Variants in SUZ12 observed in about 807,000 individuals in gnomAD.
SUZ12 encodes the protein SUZ12 polycomb repressive complex 2 subunit.
Under a neutral mutation model 87.3 loss-of-function variants are expected in SUZ12, and 17 were observed. That is an observed-to-expected ratio of 0.19 (90% CI 0.13 to 0.29). SUZ12 has a LOEUF of 0.29. SUZ12 is among the 10% of genes least tolerant of loss of function. The probability of loss-of-function intolerance (pLI) is 1.00; values close to 1 mark genes in which losing one functional copy is unlikely to be tolerated. For synonymous variants in SUZ12, 253 were observed against 312.4 expected, an observed-to-expected ratio of 0.81 and a Z score of 2.01; for missense variants, 526 against 912.2, an observed-to-expected ratio of 0.58 and a Z score of 5.45.
intron 5 of SUZ12, among the ~76,000 whole-genome samples, chr17:31,970,633 G>GA (rs367802342): frequency 2.7e-4 from 40 of 146,366 alleles, no homozygotes; most frequent in African/African-American, 4.5e-4. Context: ...CTCAAGAAAA[G>GA]AAAAAAAAAA....
intron 1 of SUZ12, among the ~76,000 whole-genome samples, chr17:31,938,693 A>C (rs1241748894): frequency 6.6e-6 from 1 of 152,224 alleles, no homozygotes; most frequent in Non-Finnish European, 1.5e-5. Flanking sequence ...TGGTGACAAT[A>C]ATGATACTTG....
chr17:31,997,202 T>G (rs1375984988), intron 15 of SUZ12, among the ~76,000 whole-genome samples: 1 of 152,288 alleles, frequency 6.6e-6, no homozygotes, highest in East Asian at 1.9e-4. Context: ...GGTTGTTGAT[T>G]CTGTCAGCTT....
intron 4 of SUZ12, among the ~76,000 whole-genome samples, chr17:31,958,190 C>G (rs1332666562): frequency 6.6e-6 from 1 of 152,038 alleles, no homozygotes; most frequent in Admixed American, 6.6e-5. Context: ...GCGTGAGCCA[C>G]CGCGCCCAGC....
chr17:31,959,616 G>A (rs563662707), intron 4 of SUZ12, among the ~76,000 whole-genome samples: 1 of 152,256 alleles, frequency 6.6e-6, no homozygotes, highest in African/African-American at 2.4e-5. Flanking sequence ...CTGTTTTGAG[G>A]TAATACTGCC....
At chr17:31,990,589 T>C (rs1909671041) in intron 10 of SUZ12, among the ~76,000 whole-genome samples, 1 of 152,006 alleles carries the variant, frequency 6.6e-6, no homozygotes, top group Non-Finnish European at 1.5e-5. Context: ...TGTCTCAAAC[T>C]ACTGATGTCA....
chr17:31,956,463 A>C (rs1463218233), intron 4 of SUZ12, among the ~76,000 whole-genome samples: 1 of 152,184 alleles, frequency 6.6e-6, no homozygotes, highest in Non-Finnish European at 1.5e-5. Flanking sequence ...TGCTGGGATT[A>C]CAGGCATAAG....
intron 5 of SUZ12, among the ~76,000 whole-genome samples, chr17:31,972,896 G>GA (rs1467139826): frequency 2.8e-5 from 4 of 144,656 alleles, no homozygotes; most frequent in Admixed American, 7.0e-5. Flanking sequence ...ATATCTAATG[G>GA]AAAAAAAAAT....
Position 31,993,253 on chromosome 17 carries a change from T to A in SUZ12, c.1213T>A (p.Ser405Thr). 6.4e-7 allele frequency: 1 copy of A among 1,572,080 alleles called. No individual in the cohort carries two copies. Among genetic ancestry groups the A allele is most frequent in the East Asian group, 2.3e-5 (1 of 43,838 alleles). Reference sequence around the variant, plus strand: ...GTGTATGTTTTCAGCTGTTAAAGAATCATTGACTACAGATCTACAAACAAG... The same window carrying A: ...GTGTATGTTTTCAGCTGTTAAAGAAACATTGACTACAGATCTACAAACAAG... ...KPTQTIAVKE[S>T]LTTDLQTRKE... Residue 405 changes from serine (S) to threonine (T), a missense_variant, in exon 11 of 16, where the codon TCA becomes ACA. Around this residue, in one of 9 missense-constraint regions of SUZ12, gnomAD observed 85 missense variants for 87.4 expected, o/e 0.97. Coordinates refer to ENST00000322652, the MANE Select transcript of SUZ12 (RefSeq NM_015355.4).
At chr17:31,954,353 G>T (rs556151716) in intron 4 of SUZ12, among the ~76,000 whole-genome samples, 3 of 152,154 alleles carry the variant, frequency 2.0e-5, no homozygotes, top group African/African-American at 7.2e-5. Flanking sequence ...GAGCCTCTGC[G>T]CCCAGCCAAC....
At chr17:31,950,082 G>C (rs1906870461) in intron 4 of SUZ12, among the ~76,000 whole-genome samples, 2 of 151,808 alleles carry the variant, frequency 1.3e-5, no homozygotes. Flanking sequence ...TGCAACCTCT[G>C]CCTCCCGTGT....
chr17:31,954,386 C>A (rs1323974473), intron 4 of SUZ12, among the ~76,000 whole-genome samples: 1 of 152,100 alleles, frequency 6.6e-6, no homozygotes, highest in Non-Finnish European at 1.5e-5. Context: ...GCAACCTAAG[C>A]TTTTGAATTA....
chr17:31,973,251 A>T lies in SUZ12; in HGVS notation c.591+20A>T. On this transcript the variant is annotated intron_variant, in intron 6 of 15. Coordinates refer to ENST00000322652, the MANE Select transcript of SUZ12 (RefSeq NM_015355.4). The stretch of plus-strand genomic sequence containing the variant: ...AGAAAGGTAATGTCAACAAAATGAT[A>T]TTGGTAGATTAAATGGAATAATTTG... 1 of 1,315,950 alleles carries T rather than the reference A, an allele frequency of 7.6e-7. No homozygotes were observed. Among genetic ancestry groups the T allele is most frequent in the Non-Finnish European group, 1.1e-6 (1 of 952,140 alleles). The allele number at this position is 1,315,950 out of a possible 1,614,324, so 81.5% of individuals were successfully genotyped here.
chr17:31,992,657 G>A (rs1369304781), intron 10 of SUZ12, among the ~76,000 whole-genome samples: 1 of 152,120 alleles, frequency 6.6e-6, no homozygotes, highest in East Asian at 1.9e-4. Flanking sequence ...TGATCCACCC[G>A]CCTCGGCCTC....
At chr17:31,992,894 A>G (rs1909793668) in intron 10 of SUZ12, among the ~76,000 whole-genome samples, 2 of 151,574 alleles carry the variant, frequency 1.3e-5, no homozygotes, top group Admixed American at 6.6e-5. Flanking sequence ...TTAATTAGAG[A>G]TGGGGTTTTG....
intron 8 of SUZ12, among the ~76,000 whole-genome samples, chr17:31,980,164 G>GA (rs200470881): frequency 3.4e-5 from 5 of 147,764 alleles, no homozygotes; most frequent in Non-Finnish European, 4.5e-5. Context: ...TTCCTAAAAA[G>GA]AAAAAAAAAA....
intron 9 of SUZ12, among the ~76,000 whole-genome samples, chr17:31,983,945 G>A (rs1462326383): frequency 6.6e-6 from 1 of 152,134 alleles, no homozygotes; most frequent in Non-Finnish European, 1.5e-5. Flanking sequence ...AAACTGTAAC[G>A]ATGTCTTTTA....
At chr17:31,966,980 G>C (rs147995905) in intron 5 of SUZ12, 4 of 150,640 alleles carry the variant, frequency 2.7e-5, no homozygotes, top group African/African-American at 9.7e-5. Flanking sequence ...CAGGAGTTCA[G>C]GATGTTCAGG....
intron 4 of SUZ12, among the ~76,000 whole-genome samples, chr17:31,960,380 T>C (rs1234574284): frequency 6.6e-6 from 1 of 151,728 alleles, no homozygotes; most frequent in Non-Finnish European, 1.5e-5. Context: ...CCAGCTAATT[T>C]ATGTGTTTTT....
At chr17:31,959,497 A>T (rs1474535965) in intron 4 of SUZ12, among the ~76,000 whole-genome samples, 1 of 152,166 alleles carries the variant, frequency 6.6e-6, no homozygotes, top group Non-Finnish European at 1.5e-5. Flanking sequence ...ATTGGACTTG[A>T]TGTAGACACG....
Sources: allele counts gnomAD v4.1 joint callset (sites outside exome capture counted in the v4.1 genomes callset), GRCh38; gene constraint gnomAD v4.1.1; regional missense constraint gnomAD v4.1.1; transcripts MANE v1.5; gene names NCBI Gene and HGNC (gene_info 2026-07-23, HGNC 2026-07-21).